Variants in SCP2 observed in about 807,000 individuals in gnomAD.
SCP2 encodes sterol carrier protein 2, also known as SCP-2/3-oxoacyl-CoA thiolase.
Under a neutral mutation model 71.4 loss-of-function variants are expected in SCP2, and 48 were observed. That is an observed-to-expected ratio of 0.67 (90% CI 0.53 to 0.86). The LOEUF (loss-of-function observed/expected upper bound fraction) is 0.86, where lower values mean the gene tolerates loss of function less well. Among genes scored for constraint, SCP2 ranks in the 40% least tolerant of loss-of-function variants. The pLI, the probability that SCP2 is intolerant of heterozygous loss-of-function variation, is 0.00. For missense variants in SCP2, 560 were observed against 655.6 expected, an observed-to-expected ratio of 0.85 and a Z score of 1.59; for synonymous variants, 220 against 218.1, an observed-to-expected ratio of 1.01 and a Z score of -0.08.
At chr1:53,008,198 G>A (rs1175434334) in intron 11 of SCP2, among the ~76,000 whole-genome samples, 1 of 152,174 alleles carries the variant, frequency 6.6e-6, no homozygotes, top group Non-Finnish European at 1.5e-5. Flanking sequence ...TCTACCAGAG[G>A]CACAAAGAGG....
chr1:52,964,905 T>G (rs7552096), intron 6 of SCP2, among the ~76,000 whole-genome samples: 56,245 of 151,774 alleles, frequency 0.37, 11,259 homozygotes, highest in East Asian at 0.73. Flanking sequence ...TCCCAGCTAC[T>G]CGGGAGGCTG....
chr1:52,972,835 T>A (rs886347037), intron 6 of SCP2, among the ~76,000 whole-genome samples: 2 of 152,358 alleles, frequency 1.3e-5, no homozygotes, highest in African/African-American at 4.8e-5. Context: ...TCATAACCCA[T>A]AAGCAGTCTA....
intron 10 of SCP2, among the ~76,000 whole-genome samples, chr1:52,985,287 A>G (rs1557586922): frequency 6.6e-6 from 1 of 152,070 alleles, no homozygotes; most frequent in Non-Finnish European, 1.5e-5. Flanking sequence ...AGCTATGGAT[A>G]TTTTTCAAAC....
At chr1:53,025,847 A>G (rs1211346991) in intron 12 of SCP2, among the ~76,000 whole-genome samples, 2 of 152,194 alleles carry the variant, frequency 1.3e-5, no homozygotes, top group African/African-American at 4.8e-5. Context: ...TATCATTTCT[A>G]TGGATTTCCA....
chr1:53,009,548 C>T (rs926989736), intron 11 of SCP2, among the ~76,000 whole-genome samples: 8 of 152,238 alleles, frequency 5.3e-5, no homozygotes, highest in South Asian at 4.1e-4. Flanking sequence ...ATTTAGTAAA[C>T]GGTGCTGGGA....
intron 11 of SCP2, among the ~76,000 whole-genome samples, chr1:52,996,269 C>G (rs181882517): frequency 9.8e-4 from 150 of 152,308 alleles, no homozygotes; most frequent in African/African-American, 3.5e-3. Flanking sequence ...TGGTGCCCAT[C>G]CCTTCCATCT....
chr1:53,012,433 A>G (rs893935795), intron 11 of SCP2, among the ~76,000 whole-genome samples: 4 of 152,264 alleles, frequency 2.6e-5, no homozygotes, highest in African/African-American at 7.2e-5. Context: ...TACATGTTAA[A>G]TAAATTTGTA....
intron 12 of SCP2, among the ~76,000 whole-genome samples, chr1:53,015,609 G>C (rs1209972071): frequency 6.6e-6 from 1 of 152,244 alleles, no homozygotes; most frequent in African/African-American, 2.4e-5. Context: ...CGCCCCTCCT[G>C]TCAAAGGCTC....
At chr1:53,045,144 A>G (rs549349410) in intron 14 of SCP2, among the ~76,000 whole-genome samples, 62 of 152,330 alleles carry the variant, frequency 4.1e-4, no homozygotes, top group African/African-American at 1.5e-3. Flanking sequence ...GAATGTTTAC[A>G]AATGAGTACA....
intron 10 of SCP2, among the ~76,000 whole-genome samples, chr1:52,985,375 C>T (rs1658894150): frequency 6.6e-6 from 1 of 152,188 alleles, no homozygotes; most frequent in Non-Finnish European, 1.5e-5. Context: ...TTCTCTCTCT[C>T]ACAATCATCA....
chr1:52,992,639 C>T lies in SCP2; in HGVS notation c.1081+4503C>T, dbSNP rs116351288. On this transcript the variant is annotated intron_variant, in intron 11 of 15. Coordinates refer to ENST00000371514, the MANE Select transcript of SCP2 (RefSeq NM_002979.5). ...ATGAGCAGTTTTTAATCCATAAATA[C>T]AATAGGCATTTGGTATTTTGGCCAC... is the stretch of plus-strand genomic sequence containing the variant. Among the ~76,000 whole-genome samples the T allele has an allele frequency of 9.8e-3, 1,484 of 152,200 alleles. 33 individuals are homozygous for T. Among genetic ancestry groups the T allele is most frequent in the African/African-American group, 0.034 (1,417 of 41,508 alleles).
chr1:52,930,975 T>G (rs966314256), intron 1 of SCP2, among the ~76,000 whole-genome samples: 3 of 152,250 alleles, frequency 2.0e-5, no homozygotes, highest in Non-Finnish European at 2.9e-5. Context: ...AAGGAATGTC[T>G]AATCTGGAGG....
chr1:53,049,793 G>A (rs1664083794), intron 15 of SCP2: 1 of 152,076 alleles, frequency 6.6e-6, no homozygotes, highest in Admixed American at 6.5e-5. Context: ...AGGAGGTACA[G>A]AAAAAAACAG....
chr1:52,955,998 A>G (rs943505688), intron 5 of SCP2, among the ~76,000 whole-genome samples: 4 of 152,076 alleles, frequency 2.6e-5, no homozygotes, highest in African/African-American at 9.7e-5. Flanking sequence ...AACAGAATTT[A>G]TAGAAAAGAA....
At chr1:53,002,316 G>T (rs567403164) in intron 11 of SCP2, among the ~76,000 whole-genome samples, 1 of 152,172 alleles carries the variant, frequency 6.6e-6, no homozygotes, top group African/African-American at 2.4e-5. Context: ...ATATTTAAAG[G>T]GATAGTTGAA....
In SCP2 at chr1:53,050,830, A is replaced by C. The variant is rs376568756; in HGVS notation, c.*126A>C. 1.4e-6 allele frequency: 1 copy of C among 738,888 alleles called. No individual in the cohort carries two copies. The allele number at this position is 738,888 out of a possible 1,614,324, so 45.8% of individuals were successfully genotyped here. A position where few individuals can be genotyped will look rare whatever the true frequency, so the allele number is the denominator to read the frequency against. On this transcript the variant is annotated 3_prime_UTR_variant, in exon 16 of 16. Coordinates refer to ENST00000371514, the MANE Select transcript of SCP2 (RefSeq NM_002979.5). ...ATAGCGTGGGATAGATTTGTTTCTT[A>C]ATGGGTGTGACCAATCCTGTTTTTC... is the stretch of plus-strand genomic sequence containing the variant.
chr1:52,936,992 A>G (rs1653802100), intron 1 of SCP2, among the ~76,000 whole-genome samples: 1 of 152,210 alleles, frequency 6.6e-6, no homozygotes, highest in Non-Finnish European at 1.5e-5. Context: ...AATCATAAGT[A>G]GACAACTGGC....
At chr1:52,949,177 T>A (rs1655076849) in intron 3 of SCP2, among the ~76,000 whole-genome samples, 1 of 152,206 alleles carries the variant, frequency 6.6e-6, no homozygotes, top group African/African-American at 2.4e-5. Flanking sequence ...TATCTATGAT[T>A]CATTTCTTTG....
chr1:53,046,721 A>G (rs1267907495), intron 14 of SCP2, among the ~76,000 whole-genome samples: 1 of 152,190 alleles, frequency 6.6e-6, no homozygotes, highest in Non-Finnish European at 1.5e-5. Context: ...TTTATATATT[A>G]TCTATGACTG....
Sources: allele counts gnomAD v4.1 joint callset (sites outside exome capture counted in the v4.1 genomes callset), GRCh38; gene constraint gnomAD v4.1.1; transcripts MANE v1.5; gene names NCBI Gene and HGNC (gene_info 2026-07-23, HGNC 2026-07-21).